The following CSMD1 variants were observed in gnomAD, a reference collection of about 807,000 sequenced individuals.
CSMD1 encodes the protein CUB and Sushi multiple domains 1, also known as CUB and sushi domain-containing protein 1.
A neutral mutation model predicts 417.5 loss-of-function variants in CSMD1; 213 were observed. That is an observed-to-expected ratio of 0.51 (90% CI 0.46 to 0.57). CSMD1 has a LOEUF of 0.57. Among genes scored for constraint, CSMD1 ranks in the 20% least tolerant of loss-of-function variants. The probability of loss-of-function intolerance (pLI) is 0.00; values close to 1 mark genes in which losing one functional copy is unlikely to be tolerated. For synonymous variants in CSMD1, 2,862 were observed against 1,736.8 expected (o/e 1.65, Z -16.11); for missense variants, 6,923 against 4,529.7 (o/e 1.53, Z -15.17).
rs183686116 is a variant in CSMD1 at position 3,472,090 on chromosome 8, C to A, written c.1449-3266G>T. ...ATCATCGTCCTCTCCCTTCGTGTAG[C>A]CCCTGGCTTGTTGTCATTGCTCCCT... On this transcript the variant is annotated intron_variant, in intron 11 of 69. Transcript: ENST00000635120. 4.0e-3 allele frequency among the ~76,000 whole-genome samples: 611 copies of A among 152,200 alleles called. 4 individuals carry two copies. Among genetic ancestry groups the A allele is most frequent in the African/African-American group, 0.012 (516 of 41,526 alleles).
intron 5 of CSMD1, among the ~76,000 whole-genome samples, chr8:3,957,591 G>C (rs1202748535): frequency 6.6e-6 from 1 of 152,110 alleles, no homozygotes; most frequent in East Asian, 1.9e-4. Flanking sequence ...GGCTGAGGTG[G>C]ACAGATGGCT....
intron 1 of CSMD1, among the ~76,000 whole-genome samples, chr8:4,916,333 G>C (rs994347354): frequency 1.3e-5 from 2 of 152,156 alleles, no homozygotes; most frequent in African/African-American, 4.8e-5. Flanking sequence ...ATGTTTATGG[G>C]CAACTTTTAA....
chr8:3,914,326 G>A (rs1328025830), intron 5 of CSMD1, among the ~76,000 whole-genome samples: 1 of 151,878 alleles, frequency 6.6e-6, no homozygotes, highest in African/African-American at 2.4e-5. Flanking sequence ...GGAAGAGAAT[G>A]GGGCCTAGAG....
At chr8:3,297,838 C>A (rs35612444) in intron 25 of CSMD1, among the ~76,000 whole-genome samples, 4 of 150,530 alleles carry the variant, frequency 2.7e-5, no homozygotes, top group Non-Finnish European at 4.4e-5. Context: ...ATTTGCTAAC[C>A]GTAAAGAAAA....
intron 5 of CSMD1, among the ~76,000 whole-genome samples, chr8:3,967,446 T>C (rs2130041296): frequency 1.0e-5 from 1 of 99,860 alleles, no homozygotes; most frequent in Admixed American, 1.0e-4. Context: ...ATTCAGGATC[T>C]TTGCTAAAAG....
intron 1 of CSMD1, among the ~76,000 whole-genome samples, chr8:4,925,284 C>T (rs148841005): frequency 8.9e-6 from 1 of 112,648 alleles, no homozygotes; most frequent in Non-Finnish European, 1.6e-5. Context: ...CTCAAGAGTT[C>T]AACTTGAAGG....
chr8:4,357,662 G>C (rs1210990625), intron 3 of CSMD1, among the ~76,000 whole-genome samples: 1 of 152,058 alleles, frequency 6.6e-6, no homozygotes, highest in African/African-American at 2.4e-5. Flanking sequence ...TAACTTTAAA[G>C]TTTTCTTCAT....
chr8:4,002,472 A>T (rs2080435557), intron 4 of CSMD1, among the ~76,000 whole-genome samples: 1 of 152,224 alleles, frequency 6.6e-6, no homozygotes, highest in Admixed American at 6.5e-5. Flanking sequence ...TCTTAGATCT[A>T]TGAAGCTCTA....
chr8:2,955,810 A>C (rs1401664141), intron 63 of CSMD1, 42 bp from the exon 64 acceptor site: 1 of 1,576,230 alleles, frequency 6.3e-7, no homozygotes, highest in African/African-American at 1.4e-5. Context: ...GTTTATTGTA[A>C]AGTTAGCACA....
At chr8:4,881,987 C>G (rs1252238145) in intron 1 of CSMD1, among the ~76,000 whole-genome samples, 1 of 151,908 alleles carries the variant, frequency 6.6e-6, no homozygotes, top group African/African-American at 2.4e-5. Flanking sequence ...TCAGCTATAC[C>G]TGGAAAGAAA....
chr8:4,120,564 C>T (rs1398307514), intron 3 of CSMD1, among the ~76,000 whole-genome samples: 9 of 152,262 alleles, frequency 5.9e-5, no homozygotes, highest in Non-Finnish European at 8.8e-5. Context: ...AACTGGCGAC[C>T]GGGAGGCTTT....
chr8:3,142,396 A>T, intron 41 of CSMD1, 69 bp downstream of exon 41: 1 of 1,317,994 alleles, frequency 7.6e-7, no homozygotes, highest in Non-Finnish European at 1.1e-6. Flanking sequence ...GGAGATTTAT[A>T]CTTAAATACA....
At chr8:4,920,881 GAAAAGAAAAGAAAAGAAAAGA>G (rs1806401216) in intron 1 of CSMD1, among the ~76,000 whole-genome samples, 2 of 35,164 alleles carry the variant, frequency 5.7e-5, no homozygotes, top group African/African-American at 1.4e-4. Context: ...GAAAAGAAAA[GAAAAGAAAAGAAAAGAAAAGA>G]AAAGAAAAGA....
At chr8:2,963,840 C>T (rs1015059063) in intron 59 of CSMD1, among the ~76,000 whole-genome samples, 2 of 152,278 alleles carry the variant, frequency 1.3e-5, no homozygotes, top group South Asian at 2.1e-4. Flanking sequence ...CCAAAAGACA[C>T]AGTCGGTCCA....
chr8:4,609,236 CA>C (rs1409291729), intron 2 of CSMD1, among the ~76,000 whole-genome samples: 1 of 152,018 alleles, frequency 6.6e-6, no homozygotes, highest in Non-Finnish European at 1.5e-5. Context: ...CCTGTATCTA[CA>C]AAAAAATGAA....
At chr8:3,543,766 T>C (rs996269732) in intron 10 of CSMD1, among the ~76,000 whole-genome samples, 5 of 152,202 alleles carry the variant, frequency 3.3e-5, no homozygotes, top group East Asian at 1.9e-4. Flanking sequence ...TTAGTGGAGA[T>C]GTCATGTGGA....
At chr8:4,397,523 CTTTTTTTTTTTTTT>C (rs57745028) in intron 3 of CSMD1, among the ~76,000 whole-genome samples, 2 of 59,932 alleles carry the variant, frequency 3.3e-5, no homozygotes, top group African/African-American at 1.2e-4. Context: ...GCCTGAGACT[CTTTTTTTTTTTTTT>C]TTTTTTTTTT....
chr8:3,735,043 G>T (rs867649810), intron 6 of CSMD1, among the ~76,000 whole-genome samples: 1 of 152,176 alleles, frequency 6.6e-6, no homozygotes, highest in Admixed American at 6.5e-5. Context: ...AACAAAATAG[G>T]TGATATGAAT....
chr8:3,579,317 T>C (rs1800284434), intron 9 of CSMD1, among the ~76,000 whole-genome samples: 1 of 147,302 alleles, frequency 6.8e-6, no homozygotes, highest in Non-Finnish European at 1.5e-5. Context: ...ATAGGTTTGT[T>C]TCATGCAATT....
Sources: allele counts gnomAD v4.1 joint callset (sites outside exome capture counted in the v4.1 genomes callset), GRCh38; gene constraint gnomAD v4.1.1; transcripts MANE v1.5; gene names NCBI Gene and HGNC (gene_info 2026-07-23, HGNC 2026-07-21).